The following UBE2E2 variants were observed in gnomAD, a reference collection of about 807,000 sequenced individuals.
UBE2E2 encodes ubiquitin-conjugating enzyme E2 E2.
UBE2E2 carries 6 observed loss-of-function variants against 24.7 expected under a neutral mutation model. That is an observed-to-expected ratio of 0.24 (90% CI 0.13 to 0.48). The LOEUF (loss-of-function observed/expected upper bound fraction) is 0.48, where lower values mean the gene tolerates loss of function less well. UBE2E2 is among the 20% of genes least tolerant of loss of function. The pLI is 0.99. For synonymous variants in UBE2E2, 104 were observed against 83.6 expected (o/e 1.24, Z -1.33); for missense variants, 169 against 245.0 (o/e 0.69, Z 2.07).
At chr3:23,421,757 A>G (rs1697804571) in intron 3 of UBE2E2, among the ~76,000 whole-genome samples, 1 of 152,248 alleles carries the variant, frequency 6.6e-6, no homozygotes, top group Non-Finnish European at 1.5e-5. Context: ...CAAACACCAC[A>G]TGTTCTCAAT....
At chr3:23,268,033 T>G (rs1414885592) in intron 3 of UBE2E2, among the ~76,000 whole-genome samples, 6 of 151,384 alleles carry the variant, frequency 4.0e-5, no homozygotes, top group Non-Finnish European at 8.9e-5. Flanking sequence ...TCTCAATAAA[T>G]TAGGTATTGA....
At chr3:23,564,256 A>G (rs1224679840) in intron 5 of UBE2E2, among the ~76,000 whole-genome samples, 3 of 152,126 alleles carry the variant, frequency 2.0e-5, no homozygotes, top group Non-Finnish European at 4.4e-5. Flanking sequence ...GGACATATGC[A>G]TGATCAATAT....
intron 4 of UBE2E2, among the ~76,000 whole-genome samples, chr3:23,516,057 G>A (rs1178382394): frequency 6.6e-6 from 1 of 152,188 alleles, no homozygotes; most frequent in East Asian, 1.9e-4. Context: ...CAAAAAAGAT[G>A]TTGAAGTACA....
At chr3:23,291,420 A>T (rs532432126) in intron 3 of UBE2E2, among the ~76,000 whole-genome samples, 3 of 152,338 alleles carry the variant, frequency 2.0e-5, no homozygotes, top group Non-Finnish European at 2.9e-5. Context: ...GTCTTTTCAC[A>T]TGTTGTAATA....
chr3:23,328,851 G>T (rs994688211), intron 3 of UBE2E2, among the ~76,000 whole-genome samples: 1 of 151,880 alleles, frequency 6.6e-6, no homozygotes, highest in Non-Finnish European at 1.5e-5. Flanking sequence ...TTGTAGAGAC[G>T]GGGTTTCACC....
intron 3 of UBE2E2, among the ~76,000 whole-genome samples, chr3:23,278,409 C>T (rs1235731497): frequency 6.6e-6 from 1 of 152,024 alleles, no homozygotes; most frequent in African/African-American, 2.4e-5. Context: ...CATTGTAAGA[C>T]AATATAATTT....
At chr3:23,210,646 A>G (rs2125317286) in intron 2 of UBE2E2, among the ~76,000 whole-genome samples, 1 of 152,302 alleles carries the variant, frequency 6.6e-6, no homozygotes, top group South Asian at 2.1e-4. Context: ...TGTAGGAGAT[A>G]AAACCTAGTT....
intron 5 of UBE2E2, among the ~76,000 whole-genome samples, chr3:23,536,389 G>T (rs768908684): frequency 2.6e-5 from 4 of 152,056 alleles, no homozygotes; most frequent in Admixed American, 6.5e-5. Flanking sequence ...TTCTTGAGAC[G>T]TGTATAGGTC....
chr3:23,223,029 T>TCC (rs1696702827), intron 3 of UBE2E2, among the ~76,000 whole-genome samples: 1 of 124,762 alleles, frequency 8.0e-6, no homozygotes, highest in African/African-American at 3.2e-5. Flanking sequence ...CCCCCCCTTT[T>TCC]TTTTTTTTTT....
At chr3:23,532,385 T>A (rs1006828966) in intron 4 of UBE2E2, among the ~76,000 whole-genome samples, 169 bp from the exon 5 acceptor site, 1 of 152,202 alleles carries the variant, frequency 6.6e-6, no homozygotes, top group Admixed American at 6.5e-5. Flanking sequence ...AAAATGATGA[T>A]CTCTGTTGAT....
At chr3:23,393,153 G>T (rs1299804865) in intron 3 of UBE2E2, among the ~76,000 whole-genome samples, 1 of 151,200 alleles carries the variant, frequency 6.6e-6, no homozygotes, top group Non-Finnish European at 1.5e-5. Flanking sequence ...GAAGGTAAAA[G>T]ATGATAGCTT....
chr3:23,476,882 A>G (rs1028012019), intron 3 of UBE2E2, among the ~76,000 whole-genome samples: 4 of 152,144 alleles, frequency 2.6e-5, no homozygotes, highest in Non-Finnish European at 5.9e-5. Context: ...CCAACATTTT[A>G]ACTGAGGAGT....
intron 3 of UBE2E2, among the ~76,000 whole-genome samples, chr3:23,470,735 A>T (rs1374652646): frequency 6.6e-6 from 1 of 152,196 alleles, no homozygotes; most frequent in African/African-American, 2.4e-5. Flanking sequence ...ACGGTTCTTA[A>T]TAGAAATGTA....
At chr3:23,428,385 C>T (rs1697978797) in intron 3 of UBE2E2, among the ~76,000 whole-genome samples, 1 of 152,054 alleles carries the variant, frequency 6.6e-6, no homozygotes, top group Admixed American at 6.6e-5. Context: ...TTGTGGGATG[C>T]AACGAAAACA....
At chr3:23,556,454 T>TAAAAAAAAAAAAAAAAACAAAA (rs1695787381) in intron 5 of UBE2E2, among the ~76,000 whole-genome samples, 1 of 94,336 alleles carries the variant, frequency 1.1e-5, no homozygotes, top group Admixed American at 1.0e-4. Context: ...AAAATTTATT[T>TAAAAAAAAAAAAAAAAACAAAA]AAAAAAAAAA....
At chr3:23,262,460 T>C (rs1297198999) in intron 3 of UBE2E2, among the ~76,000 whole-genome samples, 1 of 152,110 alleles carries the variant, frequency 6.6e-6, no homozygotes, top group East Asian at 1.9e-4. Flanking sequence ...AAATGTTTTT[T>C]TGTGGAGATG....
chr3:23,289,059 C>CT (rs1234495989), intron 3 of UBE2E2, among the ~76,000 whole-genome samples: 1 of 152,158 alleles, frequency 6.6e-6, no homozygotes, highest in Non-Finnish European at 1.5e-5. Flanking sequence ...CATGAAGATG[C>CT]TTTTTTGTGT....
intron 4 of UBE2E2, 151 bp downstream of exon 4, chr3:23,499,891 T>A: frequency 2.0e-6 from 2 of 993,244 alleles, no homozygotes; most frequent in Non-Finnish European, 2.7e-6. Flanking sequence ...TGAAACAATG[T>A]AAAAAATTGT....
chr3:23,589,427 GAA>G lies in UBE2E2; in HGVS notation c.509-295_509-294del, dbSNP rs11356321. Reference sequence around the variant, plus strand: ...GACAGAGCAACACCCTGTCTCAAAAGAAAAAAAAAAAAACCAATACGAGGGGA... The same window carrying G: ...GACAGAGCAACACCCTGTCTCAAAAGAAAAAAAAAAACCAATACGAGGGGA... On this transcript the variant is annotated intron_variant, in intron 5 of 5. Coordinates refer to ENST00000396703, the MANE Select transcript of UBE2E2 (RefSeq NM_152653.4). This position sits in a 1 kb window ranked among gnomAD's most constrained non-coding sequence, Gnocchi z 4.1. Among the ~76,000 whole-genome samples the G allele has an allele frequency of 8.0e-5, 11 of 137,568 alleles. No homozygotes were observed. The highest frequency in any genetic ancestry group is 2.3e-4 in the South Asian group (1 of 4,364). The allele number at this position is 137,568 out of a possible 152,430, so 90.2% of individuals were successfully genotyped here.
Sources: allele counts gnomAD v4.1 joint callset (sites outside exome capture counted in the v4.1 genomes callset), GRCh38; gene constraint gnomAD v4.1.1; non-coding constraint Gnocchi (gnomAD v3.1); transcripts MANE v1.5; gene names NCBI Gene and HGNC (gene_info 2026-07-23, HGNC 2026-07-21).